The following TAB1 variants were observed in gnomAD, a reference collection of about 807,000 sequenced individuals.
TAB1 encodes TGF-beta activated kinase 1 (MAP3K7) binding protein 1.
Under a neutral mutation model 54.5 loss-of-function variants are expected in TAB1, and 30 were observed. The observed-to-expected ratio is 0.55, with a 90% CI of 0.41 to 0.75. The LOEUF (loss-of-function observed/expected upper bound fraction) is 0.75, where lower values mean the gene tolerates loss of function less well. Ranked by LOEUF, TAB1 falls within the 30% of genes least tolerant of loss-of-function variation. The pLI is 0.00. For missense variants in TAB1, 609 were observed against 683.2 expected (o/e 0.89, Z 1.21); for synonymous variants, 289 against 286.9 (o/e 1.01, Z -0.07).
chr22:39,435,914 G>A (rs533921275), downstream of TAB1, among the ~76,000 whole-genome samples: 1 of 152,262 alleles, frequency 6.6e-6, no homozygotes, highest in Non-Finnish European at 1.5e-5. Context: ...GCCCCTGGGC[G>A]ACCTTGGCCC....
At chr22:39,420,924 GTGTT>G (rs1429302525) in intron 7 of TAB1, among the ~76,000 whole-genome samples, 4 of 145,328 alleles carry the variant, frequency 2.8e-5, no homozygotes, top group Non-Finnish European at 4.6e-5. Context: ...GTGTGTGTGT[GTGTT>G]TGTCCTGGGG....
chr22:39,418,522 A>G (rs1269425478), intron 5 of TAB1, among the ~76,000 whole-genome samples: 1 of 152,136 alleles, frequency 6.6e-6, no homozygotes, highest in Non-Finnish European at 1.5e-5. Context: ...TAAGATCATA[A>G]TCCTATGATT....
At chr22:39,400,965 C>G (rs932384793) in intron 1 of TAB1, among the ~76,000 whole-genome samples, 1 of 137,402 alleles carries the variant, frequency 7.3e-6, no homozygotes, top group Admixed American at 8.0e-5. Flanking sequence ...ACACAGGAGG[C>G]GGAGCTTGCA....
chr22:39,408,203 A>G (rs1431759197), intron 1 of TAB1, among the ~76,000 whole-genome samples: 1 of 152,252 alleles, frequency 6.6e-6, no homozygotes, highest in Non-Finnish European at 1.5e-5. Context: ...CAGTGTTGAA[A>G]TATCTAGACA....
At chr22:39,433,276 C>T, downstream of TAB1, 2 of 852,486 alleles carry the variant, frequency 2.3e-6, no homozygotes, top group Non-Finnish European at 2.8e-6. Flanking sequence ...ACGGTGAAAC[C>T]CTGTCTCTAC....
chr22:39,416,326 A>C (rs1481845117), intron 3 of TAB1, among the ~76,000 whole-genome samples: 1 of 152,230 alleles, frequency 6.6e-6, no homozygotes, highest in Non-Finnish European at 1.5e-5. Context: ...GAAGCCTCCC[A>C]GAAAGAAGTT....
At chr22:39,418,423 G>A (rs193160776) in intron 5 of TAB1, among the ~76,000 whole-genome samples, 6 of 152,194 alleles carry the variant, frequency 3.9e-5, no homozygotes, top group Admixed American at 2.0e-4. Context: ...TTGTCCCCAC[G>A]TTCTCTATTT....
rs1406446293 is a variant in TAB1, at chr22:39,420,819, T to TGTGTG, written c.777-1008_777-1007insGTGTG. The stretch of plus-strand genomic sequence containing the variant: ...TGTGTGTGTGTGTGTGTGTGTGTGT[T>TGTGTG]TGTCCTGGGGGCCAAGGAGCCTGCA... On this transcript the variant is annotated intron_variant, in intron 7 of 10. Transcript: ENST00000216160. Among the ~76,000 whole-genome samples, 230 of 25,434 alleles carry TGTGTG rather than the reference T, an allele frequency of 9.0e-3. 17 individuals carry two copies. The highest frequency in any genetic ancestry group is 0.026 in the South Asian group (20 of 774). The allele number at this position is 25,434 out of a possible 152,430, so 16.7% of individuals were successfully genotyped here.
downstream of TAB1, among the ~76,000 whole-genome samples, chr22:39,435,054 A>G (rs981501047): frequency 6.6e-6 from 1 of 151,994 alleles, no homozygotes; most frequent in African/African-American, 2.4e-5. Context: ...GGACAAATAG[A>G]TGGACTGCCC....
intron 1 of TAB1, among the ~76,000 whole-genome samples, chr22:39,414,396 C>T (rs964992085): frequency 2.6e-5 from 4 of 152,284 alleles, no homozygotes; most frequent in South Asian, 2.1e-4. Context: ...TCATAAACTC[C>T]GACTTAAAAG....
In TAB1 at chr22:39,415,852, A is replaced by G. The variant is rs914698376; in HGVS notation, c.324+199A>G. On this transcript the variant is annotated intron_variant, in intron 3 of 10. Transcript: ENST00000216160. This position sits in a 1 kb window ranked among gnomAD's most constrained non-coding sequence, Gnocchi z 4.9. ...CCAGCCAGCGAGCAGCAGGCCTTCA[A>G]TGGCTGGCAGAGGAGGTACTGCTGG... 6.6e-6 allele frequency among the ~76,000 whole-genome samples: 1 copy of G among 152,184 alleles called. No individual in the cohort carries two copies. The highest frequency in any genetic ancestry group is 1.5e-5 in the Non-Finnish European group (1 of 68,024).
chr22:39,427,497 TC>T (rs932670600), intron 9 of TAB1, among the ~76,000 whole-genome samples: 6 of 152,336 alleles, frequency 3.9e-5, no homozygotes, highest in African/African-American at 1.4e-4. Context: ...GGCTGCTCTT[TC>T]CCGTGCTCCC....
chr22:39,427,694 C>G (rs1927411625), intron 9 of TAB1, among the ~76,000 whole-genome samples: 1 of 152,184 alleles, frequency 6.6e-6, no homozygotes, highest in South Asian at 2.1e-4. Context: ...TTGGGTCAGC[C>G]TCAACTGGGA....
chr22:39,421,874 C>T lies in TAB1; in HGVS notation c.824C>T (p.Ala275Val), dbSNP rs376860039. The T allele has an allele frequency of 3.2e-5, 51 of 1,613,974 alleles. No homozygotes were observed. The highest frequency in any genetic ancestry group is 4.2e-5 in the Non-Finnish European group (50 of 1,179,986). ...PIIAEPEIHG[A>V]QPLDGVTGFL... ...ATCGCAGAGCCAGAAATCCATGGGGCACAGCCGCTGGATGGGGTGACGGGC... is the reference window on the plus strand; with the variant it reads ...ATCGCAGAGCCAGAAATCCATGGGGTACAGCCGCTGGATGGGGTGACGGGC... Residue 275 changes from alanine to valine, a missense_variant, in exon 8 of 11, where the codon GCA becomes GTA. Physicochemically the swap from Ala to Val is moderately conservative, Grantham distance 64. Transcript: ENST00000216160.
chr22:39,414,928 T>G, intron 1 of TAB1, 78 bp from the exon 2 acceptor site: 1 of 1,576,366 alleles, frequency 6.3e-7, no homozygotes, highest in Admixed American at 1.7e-5. Flanking sequence ...TAGGTTTTTG[T>G]TGCAGAAGGA....
intron 7 of TAB1, among the ~76,000 whole-genome samples, chr22:39,421,299 T>C (rs1005108480): frequency 1.3e-5 from 2 of 152,096 alleles, no homozygotes; most frequent in African/African-American, 4.8e-5. Flanking sequence ...CAGGAAGTTC[T>C]TAGACTCCGC....
Position 39,415,759 on chromosome 22 carries a change from C to A in TAB1, c.324+106C>A. 2 of 1,415,964 alleles carry A rather than the reference C, an allele frequency of 1.4e-6. No homozygotes were observed. Among genetic ancestry groups the A allele is most frequent in the Non-Finnish European group, 1.9e-6 (2 of 1,056,000 alleles). The allele number at this position is 1,415,964 out of a possible 1,614,324, so 87.7% of individuals were successfully genotyped here. A position where few individuals can be genotyped will look rare whatever the true frequency, so the allele number is the denominator to read the frequency against. ...TGCCAGGGTTGGTGTGAAGATCCTG[C>A]CGGCCCCTTCACCCCAGTAGAGGAG... On this transcript the variant is annotated intron_variant, in intron 3 of 10. Transcript: ENST00000216160. The surrounding 1 kb of genome is among the most constrained non-coding windows in gnomAD (Gnocchi z 4.9).
chr22:39,424,538 G>A (rs926394300), intron 8 of TAB1, among the ~76,000 whole-genome samples: 58 of 144,668 alleles, frequency 4.0e-4, no homozygotes, highest in African/African-American at 1.4e-3. Flanking sequence ...TCCACCTCCC[G>A]GGTTCAAGTC....
chr22:39,415,622 C>G lies in TAB1; in HGVS notation c.293C>G (p.Ala98Gly), dbSNP rs1286866325. The change falls in exon 3 of 11, where the codon GCC (alanine) becomes GGC (glycine). Residue 98 changes from alanine to glycine, a missense_variant. Coordinates refer to ENST00000216160, the MANE Select transcript of TAB1 (RefSeq NM_006116.3). The surrounding 1 kb of genome is among the most constrained non-coding windows in gnomAD (Gnocchi z 4.9). The part of the protein sequence containing the change: ...LLLGQLNAEH[A>G]EADVRRVLLQ... ...CTGGGCCAGCTGAATGCCGAGCACG[C>G]CGAGGCCGATGTGCGGCGTGTGCTG... 1 of 1,612,924 alleles carries G rather than the reference C, an allele frequency of 6.2e-7. No homozygotes were observed. The highest frequency in any genetic ancestry group is 1.7e-5 in the Admixed American group (1 of 60,024).
Sources: gnomAD v4.1 joint callset for allele counts (sites outside exome capture counted in the v4.1 genomes callset) on GRCh38, gnomAD v4.1.1 for gene constraint, Gnocchi (gnomAD v3.1) non-coding constraint, MANE v1.5 for transcripts, NCBI Gene and HGNC (gene_info 2026-07-23, HGNC 2026-07-21) for gene names.